Variants in PTPRD observed in about 807,000 individuals in gnomAD.
PTPRD encodes the protein protein tyrosine phosphatase receptor type D.
PTPRD carries 34 observed loss-of-function variants against 214.5 expected under a neutral mutation model. That is an observed-to-expected ratio of 0.16 (90% confidence interval 0.12 to 0.21). The LOEUF is 0.21. PTPRD is among the 10% of genes least tolerant of loss of function. The pLI is 1.00. For synonymous variants in PTPRD, 1,128 were observed against 845.7 expected, an observed-to-expected ratio of 1.33 and a Z score of -5.79; for missense variants, 2,545 against 2,398.7, an observed-to-expected ratio of 1.06 and a Z score of -1.27.
intron 27 of PTPRD, among the ~76,000 whole-genome samples, chr9:8,487,141 G>T (rs1386324625): frequency 1.3e-5 from 2 of 152,096 alleles, no homozygotes; most frequent in African/African-American, 2.4e-5. Context: ...TTGTTCTTAT[G>T]AATAATAAAT....
chr9:10,351,044 T>C (rs1452914030), intron 2 of PTPRD, among the ~76,000 whole-genome samples: 1 of 152,020 alleles, frequency 6.6e-6, no homozygotes, highest in Non-Finnish European at 1.5e-5. Context: ...TGAGCTAAGA[T>C]ACACAAAAGG....
intron 2 of PTPRD, among the ~76,000 whole-genome samples, chr9:10,597,873 T>C (rs998736949): frequency 1.3e-5 from 2 of 151,838 alleles, no homozygotes; most frequent in African/African-American, 4.8e-5. Flanking sequence ...CCATTGAACA[T>C]TGAGTCTTTC....
chr9:8,909,744 A>G (rs1428177937), intron 11 of PTPRD, among the ~76,000 whole-genome samples: 1 of 151,918 alleles, frequency 6.6e-6, no homozygotes, highest in Non-Finnish European at 1.5e-5. Context: ...AATAAGGTGG[A>G]AGACATAGAG....
chr9:9,983,439 GTA>G (rs2154069042), intron 4 of PTPRD, among the ~76,000 whole-genome samples: 1 of 152,282 alleles, frequency 6.6e-6, no homozygotes, highest in East Asian at 1.9e-4. Context: ...GTATGTAAAA[GTA>G]TGCAAAGTCA....
chr9:10,257,673 C>T (rs150179357), intron 3 of PTPRD, among the ~76,000 whole-genome samples: 1 of 152,268 alleles, frequency 6.6e-6, no homozygotes, highest in East Asian at 1.9e-4. Flanking sequence ...AGACATCTGA[C>T]CCCACCTGGA....
chr9:9,594,922 T>C lies in PTPRD; in HGVS notation c.-286-20141A>G, dbSNP rs113836093. Among the ~76,000 whole-genome samples the C allele has an allele frequency of 9.2e-5, 14 of 151,936 alleles. 1 individual carries two copies. Among genetic ancestry groups the C allele is most frequent in the African/African-American group, 3.4e-4 (14 of 41,480 alleles). ...CAAACAATCCCTTCAAAAAGTGGGC[T>C]AAGGACATGAATAGACAATTCTCAA... On this transcript the variant is annotated intron_variant, in intron 7 of 45. Coordinates refer to ENST00000381196, the MANE Select transcript of PTPRD (RefSeq NM_002839.4).
At chr9:8,749,531 C>G (rs535624127) in intron 11 of PTPRD, among the ~76,000 whole-genome samples, 1 of 152,186 alleles carries the variant, frequency 6.6e-6, no homozygotes, top group Non-Finnish European at 1.5e-5. Flanking sequence ...TGACCATAGA[C>G]AAAAATGACA....
chr9:8,851,702 T>C (rs2097818651), intron 11 of PTPRD, among the ~76,000 whole-genome samples: 2 of 152,266 alleles, frequency 1.3e-5, no homozygotes, highest in South Asian at 4.2e-4. Context: ...TAAGATAAAT[T>C]TGTATGATCA....
Position 8,314,755 on chromosome 9 carries a change from T to G in PTPRD, c.*3119A>C, listed in dbSNP as rs1473663129. On this transcript the variant is annotated 3_prime_UTR_variant, in exon 46 of 46. Transcript: ENST00000381196. ...TTTTTCCCTTCCTGTTTCTATGTTG[T>G]GTTATTTACATACACACAAATGAAT... The G allele has an allele frequency of 4.3e-6, 1 of 232,136 alleles. No individual in the cohort carries two copies. The highest frequency in any genetic ancestry group is 6.1e-5 in the East Asian group (1 of 16,524). The allele number at this position is 232,136 out of a possible 1,614,324, so 14.4% of individuals were successfully genotyped here.
At chr9:10,097,501 T>C (rs1383278022) in intron 3 of PTPRD, among the ~76,000 whole-genome samples, 8 of 151,630 alleles carry the variant, frequency 5.3e-5, no homozygotes. Flanking sequence ...TTTGAAGCAA[T>C]TGTGAATGGG....
intron 7 of PTPRD, among the ~76,000 whole-genome samples, chr9:9,585,844 A>G (rs933678186): frequency 2.6e-5 from 4 of 152,074 alleles, no homozygotes; most frequent in African/African-American, 9.7e-5. Flanking sequence ...AGGAAAATCT[A>G]ACAATGAATA....
At chr9:10,190,929 T>A (rs1477782495) in intron 3 of PTPRD, among the ~76,000 whole-genome samples, 1 of 152,058 alleles carries the variant, frequency 6.6e-6, no homozygotes, top group Non-Finnish European at 1.5e-5. Flanking sequence ...AGTTAACTAT[T>A]GTTACTGGGA....
intron 14 of PTPRD, among the ~76,000 whole-genome samples, chr9:8,619,198 G>A (rs542569913): frequency 6.6e-6 from 1 of 151,948 alleles, no homozygotes; most frequent in African/African-American, 2.4e-5. Context: ...TACCACTTTT[G>A]TGTTTGAGAA....
chr9:8,978,937 C>T (rs1483662155), intron 11 of PTPRD, among the ~76,000 whole-genome samples: 4 of 152,054 alleles, frequency 2.6e-5, no homozygotes, highest in African/African-American at 9.7e-5. Flanking sequence ...TGACTTTGAA[C>T]GACATTCATT....
intron 44 of PTPRD, among the ~76,000 whole-genome samples, chr9:8,326,315 C>T (rs1222162656): frequency 6.6e-6 from 1 of 152,188 alleles, no homozygotes; most frequent in Non-Finnish European, 1.5e-5. Context: ...TTTTCTGCAT[C>T]TATTGAGATA....
chr9:8,393,900 T>A (rs894286080), intron 36 of PTPRD, among the ~76,000 whole-genome samples: 1 of 152,138 alleles, frequency 6.6e-6, no homozygotes, highest in African/African-American at 2.4e-5. Context: ...ACATGCTTTA[T>A]ACTGGGTCTT....
At chr9:10,404,274 T>C (rs576215404) in intron 2 of PTPRD, among the ~76,000 whole-genome samples, 1 of 151,898 alleles carries the variant, frequency 6.6e-6, no homozygotes, top group South Asian at 2.1e-4. Flanking sequence ...AATAGTTGTT[T>C]TTCAGTTTCA....
At chr9:8,373,902 CTATCTATCTAT>C (rs879265528) in intron 39 of PTPRD, among the ~76,000 whole-genome samples, 7,354 of 110,940 alleles carry the variant, frequency 0.066, 293 homozygotes, top group Middle Eastern at 0.11. Context: ...ATCTATCTAT[CTATCTATCTAT>C]CTACCTACCT....
chr9:9,394,724 TA>T (rs913447397), intron 9 of PTPRD, among the ~76,000 whole-genome samples: 3 of 152,102 alleles, frequency 2.0e-5, no homozygotes, highest in Non-Finnish European at 4.4e-5. Context: ...ATTATTGATT[TA>T]AAGAACGGGA....
Sources: allele counts gnomAD v4.1 joint callset (sites outside exome capture counted in the v4.1 genomes callset), GRCh38; gene constraint gnomAD v4.1.1; transcripts MANE v1.5; gene names NCBI Gene and HGNC (gene_info 2026-07-23, HGNC 2026-07-21).